The following CHKA variants were observed in gnomAD, a reference collection of about 807,000 sequenced individuals.
CHKA encodes the protein choline kinase alpha.
CHKA carries 34 observed loss-of-function variants against 60.1 expected under a neutral mutation model. That is an observed-to-expected ratio of 0.57 (90% CI 0.43 to 0.75). CHKA has a LOEUF of 0.75. Ranked by LOEUF, CHKA falls within the 30% of genes least tolerant of loss-of-function variation. The pLI, the probability that CHKA is intolerant of heterozygous loss-of-function variation, is 0.00. For synonymous variants in CHKA, 217 were observed against 223.1 expected, an observed-to-expected ratio of 0.97 and a Z score of 0.24; for missense variants, 563 against 561.3, an observed-to-expected ratio of 1.00 and a Z score of -0.03.
Position 68,097,008 on chromosome 11 carries a change from T to TCTGCAAAATC in CHKA, c.462+10_462+11insGATTTTGCAG. The TCTGCAAAATC allele has an allele frequency of 6.2e-7, 1 of 1,601,576 alleles. No individual in the cohort carries two copies. Among genetic ancestry groups the TCTGCAAAATC allele is most frequent in the Non-Finnish European group, 8.5e-7 (1 of 1,170,590 alleles). The stretch of plus-strand genomic sequence containing the variant: ...AGGATCCCCCCCTCCCAAAGTAGCC[T>TCTGCAAAATC]ACCAACTCACCATCTGCAAAATCGC... On this transcript the variant is annotated intron_variant, in intron 2 of 11. Coordinates refer to ENST00000265689, the MANE Select transcript of CHKA (RefSeq NM_001277.3).
chr11:68,118,638 C>G (rs1030317424), intron 1 of CHKA, among the ~76,000 whole-genome samples: 2 of 152,164 alleles, frequency 1.3e-5, no homozygotes, highest in Admixed American at 1.3e-4. Context: ...CCTAAATCAC[C>G]TTTTTTTCTC....
At chr11:68,093,541 T>C (rs1857415053) in intron 2 of CHKA, among the ~76,000 whole-genome samples, 1 of 152,246 alleles carries the variant, frequency 6.6e-6, no homozygotes, top group African/African-American at 2.4e-5. Context: ...TTTTTCTTAG[T>C]TACTTAATAG....
At chr11:68,085,727 C>A (rs1355988856) in intron 2 of CHKA, among the ~76,000 whole-genome samples, 2 of 152,004 alleles carry the variant, frequency 1.3e-5, no homozygotes, top group Non-Finnish European at 2.9e-5. Context: ...ACTTTTCTAA[C>A]AAAATTGCAA....
chr11:68,064,635 A>G lies in CHKA; in HGVS notation c.1126-4T>C. The G allele has an allele frequency of 6.6e-7, 1 of 1,503,840 alleles. No individual in the cohort carries two copies. Among genetic ancestry groups the G allele is most frequent in the Non-Finnish European group, 9.1e-7 (1 of 1,097,314 alleles). The allele number at this position is 1,503,840 out of a possible 1,614,324, so 93.2% of individuals were successfully genotyped here. A position where few individuals can be genotyped will look rare whatever the true frequency, so the allele number is the denominator to read the frequency against. ...AGTAACTGGAAATAAAATGGAGCTT[A>G]AAAAAAAGTAATTGTGTTAGGATCA... is the stretch of plus-strand genomic sequence containing the variant. On this transcript the variant is annotated splice_polypyrimidine_tract_variant and splice_region_variant and intron_variant, in intron 9 of 11. Coordinates refer to ENST00000265689, the MANE Select transcript of CHKA (RefSeq NM_001277.3).
At chr11:68,101,503 A>T (rs1052346602) in intron 1 of CHKA, among the ~76,000 whole-genome samples, 3 of 152,122 alleles carry the variant, frequency 2.0e-5, no homozygotes, top group African/African-American at 7.2e-5. Flanking sequence ...CAGTAGCAGT[A>T]TTATTTCTAA....
At chr11:68,096,322 T>C (rs1649275055) in intron 2 of CHKA, among the ~76,000 whole-genome samples, 2 of 151,882 alleles carry the variant, frequency 1.3e-5, no homozygotes, top group Admixed American at 6.6e-5. Flanking sequence ...GATCACGCCA[T>C]TGCACTCCAG....
At chr11:68,073,628 T>G (rs868005591) in intron 4 of CHKA, among the ~76,000 whole-genome samples, 10 of 152,188 alleles carry the variant, frequency 6.6e-5, no homozygotes, top group Non-Finnish European at 1.3e-4. Flanking sequence ...CACTGTCAAC[T>G]AGAAGAGGAT....
intron 2 of CHKA, among the ~76,000 whole-genome samples, chr11:68,086,814 C>T (rs191558437): frequency 2.6e-4 from 40 of 152,238 alleles, no homozygotes; most frequent in Admixed American, 2.2e-3. Flanking sequence ...AGTGAAACAC[C>T]GTCTCTACTA....
chr11:68,093,484 T>A (rs971651467), intron 2 of CHKA, among the ~76,000 whole-genome samples: 14 of 152,224 alleles, frequency 9.2e-5, no homozygotes, highest in Non-Finnish European at 1.8e-4. Context: ...TTCTATTAGT[T>A]TGGTAAGAGC....
intron 2 of CHKA, among the ~76,000 whole-genome samples, chr11:68,095,731 A>AAAC (rs1857489887): frequency 6.9e-6 from 1 of 144,144 alleles, no homozygotes; most frequent in South Asian, 2.2e-4. Flanking sequence ...AAAAAAAAAA[A>AAAC]AAACAACAGG....
intron 1 of CHKA, among the ~76,000 whole-genome samples, chr11:68,113,081 C>CAAGAAAAAA (rs1858231962): frequency 6.9e-5 from 1 of 14,532 alleles, no homozygotes; most frequent in Non-Finnish European, 1.4e-4. Context: ...GACTCCGTCT[C>CAAGAAAAAA]AAAAAAAAAA....
At chr11:68,083,306 G>C (rs907176276) in intron 2 of CHKA, among the ~76,000 whole-genome samples, 2 of 152,014 alleles carry the variant, frequency 1.3e-5, no homozygotes, top group African/African-American at 4.8e-5. Flanking sequence ...GCTGGCTGTG[G>C]GGTTAATTAG....
intron 2 of CHKA, among the ~76,000 whole-genome samples, chr11:68,085,227 T>A (rs1008673206): frequency 6.6e-6 from 1 of 150,598 alleles, no homozygotes; most frequent in African/African-American, 2.4e-5. Flanking sequence ...GGTGAAACTT[T>A]AAAAAAAAAA....
At chr11:68,084,898 A>G (rs1857131775) in intron 2 of CHKA, among the ~76,000 whole-genome samples, 1 of 152,154 alleles carries the variant, frequency 6.6e-6, no homozygotes, top group Admixed American at 6.5e-5. Flanking sequence ...TCCCCATAAT[A>G]AAAACTTTTA....
intron 1 of CHKA, among the ~76,000 whole-genome samples, chr11:68,110,622 C>T (rs1386072501): frequency 6.6e-6 from 1 of 152,124 alleles, no homozygotes; most frequent in African/African-American, 2.4e-5. Context: ...GTCGGTTCTT[C>T]CCAACTTGAT....
At chr11:68,119,322 T>C (rs1415001195) in intron 1 of CHKA, among the ~76,000 whole-genome samples, 1 of 152,126 alleles carries the variant, frequency 6.6e-6, no homozygotes, top group Non-Finnish European at 1.5e-5. Flanking sequence ...CATTAGCGGC[T>C]CTGGTGAAAG....
In CHKA at chr11:68,070,246, A is replaced by T. The variant is rs139428491; in HGVS notation, c.812T>A (p.Ile271Asn). 156 of 1,614,146 alleles carry T rather than the reference A, an allele frequency of 9.7e-5. No individual in the cohort carries two copies. The African/African-American group carries it at 1.8e-3, about 19-fold the overall frequency. The change falls in exon 6 of 12, where the codon ATT becomes AAT. Residue 271 changes from isoleucine (I) to asparagine (N), a missense_variant. Coordinates refer to ENST00000265689, the MANE Select transcript of CHKA (RefSeq NM_001277.3). ...LRIKFTEESR[I>N]KKLHKLLSYN... Reference sequence around the variant, plus strand: ...ACTGAGCAATTTGTGGAGCTTTTTAATTCTGGATTCCTCAGTAAATTTAAT... The same window carrying T: ...ACTGAGCAATTTGTGGAGCTTTTTATTTCTGGATTCCTCAGTAAATTTAAT...
chr11:68,075,788 T>TA lies in CHKA; in HGVS notation c.517-959dup, dbSNP rs561885302. Among the ~76,000 whole-genome samples, 4 of 152,014 alleles carry TA rather than the reference T, an allele frequency of 2.6e-5. No homozygotes were observed. In the South Asian group the frequency reaches 6.2e-4, roughly 24 times the overall value. On this transcript the variant is annotated intron_variant, in intron 3 of 11. Transcript: ENST00000265689. ...CCCCACCACCACCGAAGTCTCTTTTTAAAAAAAAGAGCTTTTGCAAAGAGA... is the reference window on the plus strand; with the variant it reads ...CCCCACCACCACCGAAGTCTCTTTTTAAAAAAAAAGAGCTTTTGCAAAGAGA...
In CHKA at chr11:68,096,621, G is replaced by A. The variant is rs117633245; in HGVS notation, c.462+398C>T. The stretch of plus-strand genomic sequence containing the variant: ...GTTGAGATCATACTTTGTTAACTGG[G>A]ACTATCCTCTAAAATCTTTTGGATA... On this transcript the variant is annotated intron_variant, in intron 2 of 11. Transcript: ENST00000265689. Among the ~76,000 whole-genome samples, 787 of 152,154 alleles carry A rather than the reference G, an allele frequency of 5.2e-3. 2 individuals carry two copies. Among genetic ancestry groups the A allele is most frequent in the Non-Finnish European group, 8.1e-3 (549 of 67,996 alleles).
Sources: gnomAD v4.1 joint callset for allele counts (sites outside exome capture counted in the v4.1 genomes callset) on GRCh38, gnomAD v4.1.1 for gene constraint, MANE v1.5 for transcripts, NCBI Gene and HGNC (gene_info 2026-07-23, HGNC 2026-07-21) for gene names.